HS6ST3: variants seen among roughly 807,000 people sequenced by gnomAD.
HS6ST3 encodes heparan sulfate 6-O-sulfotransferase 3.
A neutral mutation model predicts 36.7 loss-of-function variants in HS6ST3; 12 were observed. The observed-to-expected ratio is 0.33, with a 90% confidence interval of 0.21 to 0.53. The LOEUF (loss-of-function observed/expected upper bound fraction) is 0.53, where lower values mean the gene tolerates loss of function less well. Among genes scored for constraint, HS6ST3 ranks in the 20% least tolerant of loss-of-function variants. The pLI is 0.95. For synonymous variants in HS6ST3, 240 were observed against 257.5 expected (o/e 0.93, Z 0.65); for missense variants, 584 against 640.9 (o/e 0.91, Z 0.96).
At chr13:96,683,450 A>G (rs1165269081) in intron 1 of HS6ST3, among the ~76,000 whole-genome samples, 1 of 152,102 alleles carries the variant, frequency 6.6e-6, no homozygotes, top group Non-Finnish European at 1.5e-5. Flanking sequence ...TATGTTTAAG[A>G]CATTGTAAGA....
chr13:96,187,669 T>C (rs1030214670), intron 1 of HS6ST3, among the ~76,000 whole-genome samples: 5 of 152,162 alleles, frequency 3.3e-5, no homozygotes, highest in African/African-American at 1.2e-4. Context: ...AGACTCTAAA[T>C]GTATTATTTA....
intron 1 of HS6ST3, among the ~76,000 whole-genome samples, chr13:96,139,550 A>C (rs1159452848): frequency 2.7e-5 from 4 of 149,750 alleles, no homozygotes; most frequent in African/African-American, 9.8e-5. Context: ...AGAAAAAAAA[A>C]AAAAAAAAAA....
chr13:96,267,901 C>A (rs551198722), intron 1 of HS6ST3, among the ~76,000 whole-genome samples: 46 of 152,000 alleles, frequency 3.0e-4, no homozygotes, highest in Non-Finnish European at 5.0e-4. Flanking sequence ...AAACATGGAA[C>A]AGATTCTCAC....
In HS6ST3 at chr13:96,395,576, G is replaced by A. The variant is rs188617078; in HGVS notation, c.707+304007G>A. Among the ~76,000 whole-genome samples the A allele has an allele frequency of 7.9e-5, 12 of 152,154 alleles. No individual in the cohort carries two copies. In the East Asian group the frequency reaches 1.5e-3, roughly 20 times the overall value. The stretch of plus-strand genomic sequence containing the variant: ...TTTGAATGCTGACTTAGATAATGGC[G>A]GACTTAGTAATTCTCGTTTCATGTG... On this transcript the variant is annotated intron_variant, in intron 1 of 1. Transcript: ENST00000376705.
intron 1 of HS6ST3, among the ~76,000 whole-genome samples, chr13:96,589,630 A>C (rs2056375419): frequency 6.6e-6 from 1 of 151,272 alleles, no homozygotes; most frequent in African/African-American, 2.4e-5. Context: ...ATTATTTTAG[A>C]TCTTTCTGTT....
At chr13:96,677,894 A>G (rs911313696) in intron 1 of HS6ST3, among the ~76,000 whole-genome samples, 2 of 152,168 alleles carry the variant, frequency 1.3e-5, no homozygotes, top group Non-Finnish European at 2.9e-5. Flanking sequence ...TTAGAGAAAT[A>G]TTTTTAGAGC....
At chr13:96,110,443 T>TG (rs1491486634) in intron 1 of HS6ST3, among the ~76,000 whole-genome samples, 8 of 144,134 alleles carry the variant, frequency 5.6e-5, no homozygotes, top group South Asian at 2.3e-4. Context: ...TGTGTGTGTG[T>TG]TTTTTTTTTT....
intron 1 of HS6ST3, among the ~76,000 whole-genome samples, chr13:96,656,955 TTGTGTGTG>T (rs754838881): frequency 6.1e-4 from 75 of 122,302 alleles, no homozygotes; most frequent in East Asian, 2.2e-3. Flanking sequence ...GGCTTTTCTT[TTGTGTGTG>T]TGTGTGTGTG....
chr13:96,407,968 G>A, intron 1 of HS6ST3, among the ~76,000 whole-genome samples: 1 of 152,084 alleles, frequency 6.6e-6, no homozygotes, highest in Non-Finnish European at 1.5e-5. Flanking sequence ...TTGAGACAGT[G>A]TCTTGCTGTG....
chr13:96,248,313 G>C (rs1449463614), intron 1 of HS6ST3, among the ~76,000 whole-genome samples: 1 of 152,080 alleles, frequency 6.6e-6, no homozygotes, highest in East Asian at 1.9e-4. Context: ...TAGCTTCTGT[G>C]ACCTCCCCCA....
In HS6ST3 at chr13:96,829,324, CT is replaced by C. The variant is rs893005040; in HGVS notation, c.708-3156del. Among the ~76,000 whole-genome samples, 36 of 146,904 alleles carry C rather than the reference CT, an allele frequency of 2.5e-4. No homozygotes were observed. The East Asian group carries it at 4.0e-3, about 16-fold the overall frequency. ...CTCCAACTTTTTTTTTTCAATTTTTCTTTTTTTTTTAATTTTATTTTAAGTT... is the reference window on the plus strand; with the variant it reads ...CTCCAACTTTTTTTTTTCAATTTTTCTTTTTTTTTAATTTTATTTTAAGTT... On this transcript the variant is annotated intron_variant, in intron 1 of 1. Coordinates refer to ENST00000376705, the MANE Select transcript of HS6ST3 (RefSeq NM_153456.4).
chr13:96,669,671 C>A (rs1195139612), intron 1 of HS6ST3, among the ~76,000 whole-genome samples: 1 of 152,036 alleles, frequency 6.6e-6, no homozygotes, highest in African/African-American at 2.4e-5. Flanking sequence ...TTTTTCTTTT[C>A]ATTTGATCTT....
intron 1 of HS6ST3, among the ~76,000 whole-genome samples, chr13:96,560,809 C>T (rs917351663): frequency 1.3e-5 from 2 of 152,056 alleles, no homozygotes; most frequent in Non-Finnish European, 2.9e-5. Flanking sequence ...CCTAGAAATA[C>T]ATCTAACCAA....
intron 1 of HS6ST3, among the ~76,000 whole-genome samples, chr13:96,809,332 A>G (rs1055573770): frequency 1.3e-5 from 2 of 152,238 alleles, no homozygotes; most frequent in African/African-American, 4.8e-5. Context: ...TTAGAAAGAC[A>G]AGTTTGGTGA....
At chr13:96,408,689 C>T (rs28521643) in intron 1 of HS6ST3, among the ~76,000 whole-genome samples, 1 of 151,932 alleles carries the variant, frequency 6.6e-6, no homozygotes, top group Non-Finnish European at 1.5e-5. Flanking sequence ...TTTGGGAGAC[C>T]GAGGCGGGTG....
chr13:96,249,592 G>C (rs541841034), intron 1 of HS6ST3, among the ~76,000 whole-genome samples: 1 of 152,298 alleles, frequency 6.6e-6, no homozygotes, highest in African/African-American at 2.4e-5. Context: ...ATTCTTTGCA[G>C]TATGAATGAC....
chr13:96,201,647 G>C (rs1223484094), intron 1 of HS6ST3, among the ~76,000 whole-genome samples: 2 of 152,138 alleles, frequency 1.3e-5, no homozygotes, highest in African/African-American at 4.8e-5. Flanking sequence ...GAATTCTAAA[G>C]AATGAGCTGA....
intron 1 of HS6ST3, among the ~76,000 whole-genome samples, chr13:96,787,024 T>C (rs1877670080): frequency 6.6e-6 from 1 of 152,160 alleles, no homozygotes; most frequent in South Asian, 2.1e-4. Flanking sequence ...CATATTTCCC[T>C]TGAGGTCCAT....
intron 1 of HS6ST3, among the ~76,000 whole-genome samples, chr13:96,602,946 C>T (rs1421107426): frequency 1.3e-5 from 2 of 152,262 alleles, no homozygotes; most frequent in South Asian, 2.1e-4. Context: ...ATTGTCCTTC[C>T]TACCCTCTTC....
Sources: gnomAD v4.1 joint callset for allele counts (sites outside exome capture counted in the v4.1 genomes callset) on GRCh38, gnomAD v4.1.1 for gene constraint, MANE v1.5 for transcripts, NCBI Gene and HGNC (gene_info 2026-07-23, HGNC 2026-07-21) for gene names.